CERS5: variants seen among roughly 807,000 people sequenced by gnomAD.
The protein encoded by CERS5 is ceramide synthase 5, also known as LAG1 homolog, ceramide synthase 5.
CERS5 carries 37 observed loss-of-function variants against 58.9 expected under a neutral mutation model. The ratio of observed to expected loss-of-function variants is 0.63; its 90% CI spans 0.48 to 0.83. The LOEUF (loss-of-function observed/expected upper bound fraction) is 0.83, where lower values mean the gene tolerates loss of function less well. Ranked by LOEUF, CERS5 falls within the 40% of genes least tolerant of loss-of-function variation. The probability of loss-of-function intolerance (pLI) is 0.00; values close to 1 mark genes in which losing one functional copy is unlikely to be tolerated. For synonymous variants in CERS5, 147 were observed against 177.8 expected (o/e 0.83, Z 1.38); for missense variants, 398 against 489.3 (o/e 0.81, Z 1.76).
At chr12:50,162,697 G>A (rs956364302) in intron 1 of CERS5, among the ~76,000 whole-genome samples, 7 of 151,360 alleles carry the variant, frequency 4.6e-5, no homozygotes, top group African/African-American at 1.2e-4. Flanking sequence ...TCCACCTCCC[G>A]GGTTCAAGAG....
chr12:50,148,027 G>A (rs11169285), intron 1 of CERS5, among the ~76,000 whole-genome samples: 47,157 of 151,916 alleles, frequency 0.31, 8,174 homozygotes, highest in East Asian at 0.76. Context: ...TATGGGCTGG[G>A]CACGGTGGCT....
chr12:50,165,654 C>G (rs1424513212), intron 1 of CERS5: 1 of 180,706 alleles, frequency 5.5e-6, no homozygotes, highest in Non-Finnish European at 1.2e-5. Flanking sequence ...GAGTCAAAAA[C>G]AGTAGGCAAA....
At chr12:50,139,553 G>T (rs564993201) in intron 4 of CERS5, among the ~76,000 whole-genome samples, 1 of 152,174 alleles carries the variant, frequency 6.6e-6, no homozygotes, top group African/African-American at 2.4e-5. Context: ...CAGCACTTTG[G>T]GAGGTCGAGG....
At chr12:50,164,248 C>T (rs1939625887) in intron 1 of CERS5, among the ~76,000 whole-genome samples, 1 of 152,026 alleles carries the variant, frequency 6.6e-6, no homozygotes, top group Non-Finnish European at 1.5e-5. Flanking sequence ...GTGTGAGCCA[C>T]CATGCCCCGC....
chr12:50,141,960 A>AAAAAAAAAAAAACT, intron 4 of CERS5, 93 bp downstream of exon 4: 2 of 768,518 alleles, frequency 2.6e-6, no homozygotes, highest in Admixed American at 3.0e-5. Context: ...AAAAAAAAAG[A>AAAAAAAAAAAAACT]AAAGAAAAAA....
rs566123738 is a variant in CERS5, at chr12:50,137,056, T to G, written c.636+672A>C. Among the ~76,000 whole-genome samples, 33 of 152,320 alleles carry G rather than the reference T, an allele frequency of 2.2e-4. No homozygotes were observed. The South Asian group carries it at 6.6e-3, about 31-fold the overall frequency. Reference sequence around the variant, plus strand: ...AGTTTTAATTCATTCCCATAAATGCTAACCCTGGTTTTCTTCATCAAAGAT... The same window carrying G: ...AGTTTTAATTCATTCCCATAAATGCGAACCCTGGTTTTCTTCATCAAAGAT... On this transcript the variant is annotated intron_variant, in intron 6 of 9. Transcript: ENST00000317551.
chr12:50,142,291 A>G (rs935623590), intron 3 of CERS5, among the ~76,000 whole-genome samples, 181 bp from the exon 4 acceptor site: 5 of 152,134 alleles, frequency 3.3e-5, no homozygotes, highest in African/African-American at 4.8e-5. Context: ...GTGGTGGCTC[A>G]CACCTGTAAT....
chr12:50,133,686 A>T, intron 9 of CERS5: 1 of 985,508 alleles, frequency 1.0e-6, no homozygotes, highest in African/African-American at 1.7e-5. Flanking sequence ...TCTCTTAAAA[A>T]ACTCTTAACC....
chr12:50,155,409 CA>C (rs1428376753), intron 1 of CERS5, among the ~76,000 whole-genome samples: 5 of 151,666 alleles, frequency 3.3e-5, no homozygotes, highest in Non-Finnish European at 7.4e-5. Context: ...GGTCTGTGCT[CA>C]AGTGATCTTT....
chr12:50,165,580 C>T (rs1271248748), intron 1 of CERS5: 1 of 155,592 alleles, frequency 6.4e-6, no homozygotes, highest in East Asian at 1.9e-4. Context: ...GATGATGATG[C>T]ACAAATACTA....
chr12:50,148,284 T>C (rs1289544596), intron 1 of CERS5, among the ~76,000 whole-genome samples: 3 of 151,814 alleles, frequency 2.0e-5, no homozygotes, highest in East Asian at 2.0e-4. Flanking sequence ...GCCTGTGTGA[T>C]AGAGCCAGAT....
intron 6 of CERS5, among the ~76,000 whole-genome samples, chr12:50,136,962 A>G (rs1951727652): frequency 6.6e-6 from 1 of 152,222 alleles, no homozygotes. Flanking sequence ...TCTTCTGACC[A>G]TAGGAGAGTA....
chr12:50,142,574 C>T (rs1592366978), intron 3 of CERS5, among the ~76,000 whole-genome samples: 1 of 146,232 alleles, frequency 6.8e-6, no homozygotes, highest in Admixed American at 6.8e-5. Context: ...AAAGCCAAAG[C>T]AGCGTCATCT....
intron 1 of CERS5, among the ~76,000 whole-genome samples, chr12:50,160,010 A>T (rs1009203450): frequency 3.9e-5 from 6 of 152,294 alleles, no homozygotes; most frequent in African/African-American, 1.4e-4. Context: ...ATATGTAATC[A>T]ATTAAAAATT....
intron 6 of CERS5, among the ~76,000 whole-genome samples, chr12:50,137,127 A>G (rs1951734590): frequency 6.6e-6 from 1 of 152,146 alleles, no homozygotes; most frequent in Non-Finnish European, 1.5e-5. Context: ...CTAGAACCAC[A>G]TTATTTCAGG....
intron 6 of CERS5, among the ~76,000 whole-genome samples, chr12:50,137,324 C>T (rs1951742066): frequency 6.6e-6 from 1 of 152,038 alleles, no homozygotes; most frequent in Admixed American, 6.6e-5. Flanking sequence ...GTGGGGTAAC[C>T]AGAAAGGGAG....
intron 4 of CERS5, among the ~76,000 whole-genome samples, chr12:50,139,068 A>G (rs1288965791): frequency 6.6e-6 from 1 of 152,236 alleles, no homozygotes; most frequent in Non-Finnish European, 1.5e-5. Flanking sequence ...TATCCTTTCA[A>G]TGACTATAGG....
At chr12:50,147,947 A>G (rs1161053269) in intron 1 of CERS5, among the ~76,000 whole-genome samples, 1 of 151,950 alleles carries the variant, frequency 6.6e-6, no homozygotes, top group Non-Finnish European at 1.5e-5. Flanking sequence ...GCTAATTAAA[A>G]AATTTTTTTT....
At position 50,167,298 on chromosome 12, in the gene CERS5, C is replaced by T; in HGVS notation, c.-1G>A. The stretch of plus-strand genomic sequence containing the variant: ...GGGGTCCCTGCGCTGCTGTCGCCAT[C>T]TTACGCCCACCCCGAAGCCACCGCC... On this transcript the variant is annotated 5_prime_UTR_variant, in exon 1 of 10. Coordinates refer to ENST00000317551, the MANE Select transcript of CERS5 (RefSeq NM_147190.5). The T allele has an allele frequency of 6.7e-7, 1 of 1,502,882 alleles. No homozygotes were observed. Among genetic ancestry groups the T allele is most frequent in the African/African-American group, 1.5e-5 (1 of 68,038 alleles). The allele number at this position is 1,502,882 out of a possible 1,614,324, so 93.1% of individuals were successfully genotyped here. A position where few individuals can be genotyped will look rare whatever the true frequency, so the allele number is the denominator to read the frequency against.
Sources: allele counts gnomAD v4.1 joint callset (sites outside exome capture counted in the v4.1 genomes callset), GRCh38; gene constraint gnomAD v4.1.1; transcripts MANE v1.5; gene names NCBI Gene and HGNC (gene_info 2026-07-23, HGNC 2026-07-21).